ITGB2: variants seen among roughly 807,000 people sequenced by gnomAD.
The protein encoded by ITGB2 is integrin beta-2.
Under a neutral mutation model 86.8 loss-of-function variants are expected in ITGB2, and 56 were observed. The ratio of observed to expected loss-of-function variants is 0.65; its 90% CI spans 0.52 to 0.81. The LOEUF is 0.81. Among genes scored for constraint, ITGB2 ranks in the 30% least tolerant of loss-of-function variants. ITGB2 has a pLI of 0.00. For missense variants in ITGB2, 948 were observed against 1,061.2 expected, an observed-to-expected ratio of 0.89 and a Z score of 1.48; for synonymous variants, 457 against 450.4, an observed-to-expected ratio of 1.01 and a Z score of -0.19.
chr21:44,904,525 AC>A lies in ITGB2; in HGVS notation c.329-991del, dbSNP rs202030677. Among the ~76,000 whole-genome samples the A allele has an allele frequency of 1.1e-4, 17 of 151,832 alleles. No individual in the cohort carries two copies. The East Asian group carries it at 2.7e-3, about 24-fold the overall frequency. ...ACACACCACAAACACCAACCACCACACATGCACGCATACACACACACCTCAC... is the reference window on the plus strand; with the variant it reads ...ACACACCACAAACACCAACCACCACAATGCACGCATACACACACACCTCAC... On this transcript the variant is annotated intron_variant, in intron 4 of 15. Transcript: ENST00000652462.
chr21:44,902,392 C>T (rs989057141), intron 5 of ITGB2, among the ~76,000 whole-genome samples: 4 of 150,768 alleles, frequency 2.7e-5, no homozygotes, highest in Admixed American at 6.6e-5. Context: ...CGTGTGTGAG[C>T]GTGCATTTGT....
Position 44,891,798 on chromosome 21 carries a change from G to T in ITGB2, c.1412+11C>A, listed in dbSNP as rs752126307. On this transcript the variant is annotated intron_variant, in intron 11 of 15. Transcript: ENST00000652462. ...CGGGGATGGTTCAACAGGGACCTGC[G>T]CCCGCCTCACCTGCAGATGCCGCAC... 41 of 1,601,402 alleles carry T rather than the reference G, an allele frequency of 2.6e-5. No individual in the cohort carries two copies. Among genetic ancestry groups the T allele is most frequent in the Non-Finnish European group, 3.4e-5 (40 of 1,179,802 alleles).
chr21:44,899,308 A>G (rs2083913375), intron 7 of ITGB2, 146 bp from the exon 8 acceptor site: 1 of 694,278 alleles, frequency 1.4e-6, no homozygotes. Flanking sequence ...GCTGCCACGC[A>G]GGAGTGCAGG....
At position 44,889,414 on chromosome 21, in the gene ITGB2, T is replaced by G; in HGVS notation, c.1739A>C (p.Glu580Ala). Residue 580 changes from glutamate (E) to alanine (A), a missense_variant, in exon 13 of 16, where the codon GAG (glutamate) becomes GCG (alanine). Physicochemically the swap from Glu to Ala is moderately radical, Grantham distance 107 (BLOSUM62 -1). Transcript: ENST00000652462. ...AACACGCCGCGGGTTCAGGCAGCCC[T>G]CAGTGGTCCTCTCGCACTGGCACGC... ...GSACQCERTTEGCLNPRRVEC... is the reference protein window; with the variant it reads ...GSACQCERTTAGCLNPRRVEC... 8 of 1,611,934 alleles carry G rather than the reference T, an allele frequency of 5.0e-6. No homozygotes were observed. Among genetic ancestry groups the G allele is most frequent in the Non-Finnish European group, 6.8e-6 (8 of 1,179,424 alleles).
At chr21:44,897,181 G>T (rs1568888387) in intron 8 of ITGB2, among the ~76,000 whole-genome samples, 1 of 152,238 alleles carries the variant, frequency 6.6e-6, no homozygotes, top group Non-Finnish European at 1.5e-5. Context: ...GGCAGGAACC[G>T]CTGGTCTCGC....
At chr21:44,899,929 C>T (rs530807458) in intron 7 of ITGB2, among the ~76,000 whole-genome samples, 71 of 152,166 alleles carry the variant, frequency 4.7e-4, no homozygotes, top group African/African-American at 1.6e-3. Flanking sequence ...CAGTGGAGGC[C>T]GGGAGGGGGA....
At chr21:44,922,287 G>C (rs1235334986), upstream of ITGB2, among the ~76,000 whole-genome samples, 1 of 152,184 alleles carries the variant, frequency 6.6e-6, no homozygotes, top group East Asian at 1.9e-4. Context: ...CATTTTGATA[G>C]AAAATATCTA....
At chr21:44,897,299 C>T (rs1311558239) in intron 8 of ITGB2, among the ~76,000 whole-genome samples, 1 of 152,228 alleles carries the variant, frequency 6.6e-6, no homozygotes, top group Non-Finnish European at 1.5e-5. Flanking sequence ...GCGGCCCTCC[C>T]GGGCACTTTC....
chr21:44,887,244 G>A (rs1002452286), intron 14 of ITGB2, among the ~76,000 whole-genome samples: 1 of 152,206 alleles, frequency 6.6e-6, no homozygotes, highest in Admixed American at 6.5e-5. Flanking sequence ...CTACAGCAGA[G>A]TTCAGAACCA....
At chr21:44,893,589 G>T in intron 9 of ITGB2, 45 bp from the exon 10 acceptor site, 1 of 1,611,172 alleles carries the variant, frequency 6.2e-7, no homozygotes, top group Non-Finnish European at 8.5e-7. Flanking sequence ...TGTTTCTGTT[G>T]TCCTGGCCCT....
intron 12 of ITGB2, 137 bp from the exon 13 acceptor site, chr21:44,889,632 G>T: frequency 1.1e-6 from 1 of 907,002 alleles, no homozygotes; most frequent in Non-Finnish European, 1.7e-6. Context: ...AAGGCATGGG[G>T]CCACTAGCCA....
Position 44,901,343 on chromosome 21 carries a change from A to G in ITGB2, c.741+149T>C, listed in dbSNP as rs9976146. The G allele has an allele frequency of 2.0e-3, 1,971 of 966,252 alleles. 34 individuals are homozygous for G. The African/African-American group carries it at 0.029, about 14-fold the overall frequency. The allele number at this position is 966,252 out of a possible 1,614,324, so 59.9% of individuals were successfully genotyped here. ...TCCTGCCCTTTCCTGCATGGGCAGC[A>G]GCAGGGTGAGGAGCTGCTCTCCCCA... On this transcript the variant is annotated intron_variant, in intron 6 of 15. Transcript: ENST00000652462.
At chr21:44,889,012 GCCAAGGAGGGGGC>G (rs2083742854) in intron 13 of ITGB2, 117 bp from the exon 14 acceptor site, 2 of 842,368 alleles carry the variant, frequency 2.4e-6, no homozygotes, top group African/African-American at 3.4e-5. Context: ...GCGCCCTCAG[GCCAAGGAGGGGGC>G]CCAAGTGGGG....
chr21:44,893,357 A>G (rs1268625223), intron 10 of ITGB2, 47 bp downstream of exon 10: 10 of 1,607,488 alleles, frequency 6.2e-6, no homozygotes, highest in Non-Finnish European at 8.5e-6. Context: ...GGCTGTCCCC[A>G]GAGCCCCTCA....
Position 44,907,132 on chromosome 21 carries a change from A to G in ITGB2, c.148-37T>C, listed in dbSNP as rs59490451. ...GAGTCAGGGGTCAGGAGGGGGCCAC[A>G]CTGCGGGACCTGCAGGAGGCTGACT... is the stretch of plus-strand genomic sequence containing the variant. On this transcript the variant is annotated intron_variant, in intron 3 of 15. Transcript: ENST00000652462. The G allele has an allele frequency of 2.0e-3, 2,988 of 1,505,224 alleles. 53 individuals carry two copies. The African/African-American group carries it at 0.036, about 18-fold the overall frequency. 93.2% of individuals were successfully genotyped at this position (1,505,224 alleles called of 1,614,324 possible). A position where few individuals can be genotyped will look rare whatever the true frequency, so the allele number is the denominator to read the frequency against.
At chr21:44,886,559 A>C in intron 15 of ITGB2, 129 bp from the exon 16 acceptor site, 1 of 1,389,774 alleles carries the variant, frequency 7.2e-7, no homozygotes, top group East Asian at 2.3e-5. Context: ...CAGCCCCCCC[A>C]GGGTCCCAGC....
chr21:44,898,269 G>A (rs1333491770), intron 8 of ITGB2, among the ~76,000 whole-genome samples: 1 of 152,192 alleles, frequency 6.6e-6, no homozygotes, highest in African/African-American at 2.4e-5. Flanking sequence ...ACACATCATC[G>A]CTGGGAGGAT....
intron 3 of ITGB2, among the ~76,000 whole-genome samples, chr21:44,908,929 A>G (rs2084086660): frequency 6.6e-6 from 1 of 152,222 alleles, no homozygotes; most frequent in Non-Finnish European, 1.5e-5. Context: ...AACTCGGGGA[A>G]GAAAGGACAG....
chr21:44,912,317 C>T (rs2084146260), intron 1 of ITGB2, among the ~76,000 whole-genome samples: 1 of 152,120 alleles, frequency 6.6e-6, no homozygotes, highest in Non-Finnish European at 1.5e-5. Context: ...CAGCCACAGG[C>T]CCTGGCTCCC....
Sources: allele counts gnomAD v4.1 joint callset (sites outside exome capture counted in the v4.1 genomes callset), GRCh38; gene constraint gnomAD v4.1.1; transcripts MANE v1.5; gene names NCBI Gene and HGNC (gene_info 2026-07-23, HGNC 2026-07-21).